CHRM3: variants seen among roughly 807,000 people sequenced by gnomAD.
CHRM3 encodes cholinergic receptor muscarinic 3, also known as muscarinic acetylcholine receptor M3.
CHRM3 carries 11 observed loss-of-function variants against 41.8 expected under a neutral mutation model. That is an observed-to-expected ratio of 0.26 (90% CI 0.17 to 0.44). The LOEUF (loss-of-function observed/expected upper bound fraction) is 0.44, where lower values mean the gene tolerates loss of function less well. CHRM3 is among the 20% of genes least tolerant of loss of function. The pLI, the probability that CHRM3 is intolerant of heterozygous loss-of-function variation, is 1.00. For synonymous variants in CHRM3, 297 were observed against 301.4 expected, an observed-to-expected ratio of 0.99 and a Z score of 0.15; for missense variants, 571 against 745.4, an observed-to-expected ratio of 0.77 and a Z score of 2.72.
chr1:239,609,830 G>C (rs1468740295), intron 3 of CHRM3, among the ~76,000 whole-genome samples: 1 of 151,968 alleles, frequency 6.6e-6, no homozygotes, highest in African/African-American at 2.4e-5. Context: ...ATTTCTACTG[G>C]GCTGTTTGTC....
At chr1:239,773,928 T>C (rs563990901) in intron 5 of CHRM3, among the ~76,000 whole-genome samples, 1 of 151,968 alleles carries the variant, frequency 6.6e-6, no homozygotes, top group African/African-American at 2.4e-5. Flanking sequence ...TGGCAGGTAA[T>C]TAGATTTAGA....
At chr1:239,816,793 C>T (rs1347302598) in intron 5 of CHRM3, among the ~76,000 whole-genome samples, 3 of 150,042 alleles carry the variant, frequency 2.0e-5, no homozygotes, top group East Asian at 2.0e-4. Context: ...TGCAGTGGCA[C>T]GATCTCAGCT....
At chr1:239,720,467 C>A (rs916126531) in intron 5 of CHRM3, among the ~76,000 whole-genome samples, 3 of 151,870 alleles carry the variant, frequency 2.0e-5, no homozygotes, top group African/African-American at 7.2e-5. Flanking sequence ...CTTGGATTAT[C>A]AAAATGAAAC....
At chr1:239,573,625 A>G (rs779054100) in intron 3 of CHRM3, among the ~76,000 whole-genome samples, 9 of 149,340 alleles carry the variant, frequency 6.0e-5, no homozygotes, top group Non-Finnish European at 1.0e-4. Flanking sequence ...GTAGATTTCC[A>G]TAGACCATCC....
intron 3 of CHRM3, among the ~76,000 whole-genome samples, chr1:239,557,912 CT>C (rs1359209459): frequency 6.6e-6 from 1 of 152,104 alleles, no homozygotes; most frequent in African/African-American, 2.4e-5. Flanking sequence ...GATTCCATGT[CT>C]TTGCTATTGT....
intron 4 of CHRM3, among the ~76,000 whole-genome samples, chr1:239,676,630 AG>A (rs974850369): frequency 3.9e-5 from 6 of 152,270 alleles, no homozygotes; most frequent in African/African-American, 1.4e-4. Flanking sequence ...TTGTGTTGTA[AG>A]GGGGACTGGC....
intron 5 of CHRM3, among the ~76,000 whole-genome samples, chr1:239,696,940 C>A (rs527500907): frequency 6.6e-6 from 1 of 152,096 alleles, no homozygotes; most frequent in African/African-American, 2.4e-5. Flanking sequence ...TTTTTGGTAG[C>A]CCAAGGTTGG....
intron 5 of CHRM3, chr1:239,714,264 T>G (rs1433185290): frequency 6.6e-6 from 1 of 152,170 alleles, no homozygotes; most frequent in Non-Finnish European, 1.5e-5. Flanking sequence ...GAGCTCGTCA[T>G]CTAAAGAGAG....
chr1:239,504,086 G>GCTGTGCAAAAAGCTGTTTATGTGGTGTAT (rs1668411522), intron 2 of CHRM3, among the ~76,000 whole-genome samples: 1 of 152,106 alleles, frequency 6.6e-6, no homozygotes, highest in Non-Finnish European at 1.5e-5. Context: ...AAGAGCTTTT[G>GCTGTGCAAAAAGCTGTTTATGTGGTGTAT]CACAGCAAAA....
At chr1:239,668,902 T>C (rs1674082905) in intron 4 of CHRM3, among the ~76,000 whole-genome samples, 1 of 152,206 alleles carries the variant, frequency 6.6e-6, no homozygotes, top group Non-Finnish European at 1.5e-5. Flanking sequence ...AGAAATGCCA[T>C]ATTCCACTTT....
chr1:239,576,184 A>G (rs1662316925), intron 3 of CHRM3, among the ~76,000 whole-genome samples: 1 of 152,124 alleles, frequency 6.6e-6, no homozygotes, highest in Non-Finnish European at 1.5e-5. Context: ...TCCATTGTAT[A>G]TGGATACCAC....
At chr1:239,728,615 G>A (rs1211559794) in intron 5 of CHRM3, among the ~76,000 whole-genome samples, 5 of 151,944 alleles carry the variant, frequency 3.3e-5, no homozygotes, top group Admixed American at 1.3e-4. Context: ...CAGCAAAAAC[G>A]TTATGATCTT....
intron 1 of CHRM3, among the ~76,000 whole-genome samples, chr1:239,433,733 CT>C (rs1663013348): frequency 6.6e-6 from 1 of 151,752 alleles, no homozygotes; most frequent in African/African-American, 2.4e-5. Flanking sequence ...TCCTGAGTTA[CT>C]TCACTTAGAA....
intron 3 of CHRM3, among the ~76,000 whole-genome samples, chr1:239,565,371 A>G (rs1255538815): frequency 6.6e-6 from 1 of 152,142 alleles, no homozygotes; most frequent in African/African-American, 2.4e-5. Flanking sequence ...ATTGGAATGT[A>G]GGTGCTAACT....
intron 3 of CHRM3, among the ~76,000 whole-genome samples, chr1:239,567,442 C>T (rs1309268236): frequency 1.3e-5 from 2 of 152,102 alleles, no homozygotes; most frequent in African/African-American, 4.8e-5. Context: ...TACATTACTT[C>T]CCAGAATGAT....
intron 3 of CHRM3, among the ~76,000 whole-genome samples, chr1:239,618,062 A>G (rs1340434429): frequency 6.6e-6 from 1 of 151,730 alleles, no homozygotes; most frequent in Non-Finnish European, 1.5e-5. Flanking sequence ...CTGTGTTTCT[A>G]AGGAGTTTTG....
intron 5 of CHRM3, among the ~76,000 whole-genome samples, chr1:239,738,530 G>A (rs1664582469): frequency 6.6e-6 from 1 of 152,150 alleles, no homozygotes; most frequent in Non-Finnish European, 1.5e-5. Flanking sequence ...ATTAATTTCA[G>A]GGCAGTCAGA....
At chr1:239,655,576 G>A (rs963627699) in intron 4 of CHRM3, among the ~76,000 whole-genome samples, 9 of 152,180 alleles carry the variant, frequency 5.9e-5, no homozygotes, top group African/African-American at 2.2e-4. Context: ...TTATGCACAT[G>A]GCTCTGGGCC....
chr1:239,807,845 C>T (rs34165857), intron 5 of CHRM3, among the ~76,000 whole-genome samples: 27,114 of 148,528 alleles, frequency 0.18, 2,640 homozygotes, highest in East Asian at 0.3. Flanking sequence ...CACACACACA[C>T]ATACACACAC....
Sources: gnomAD v4.1 joint callset for allele counts (sites outside exome capture counted in the v4.1 genomes callset) on GRCh38, gnomAD v4.1.1 for gene constraint, MANE v1.5 for transcripts, NCBI Gene and HGNC (gene_info 2026-07-23, HGNC 2026-07-21) for gene names.